Variants in SETBP1 observed in about 807,000 individuals in gnomAD.
SETBP1 encodes SET-binding protein.
SETBP1 carries 9 observed loss-of-function variants against 101.0 expected under a neutral mutation model. The ratio of observed to expected loss-of-function variants is 0.09; its 90% CI spans 0.05 to 0.16. The LOEUF (loss-of-function observed/expected upper bound fraction) is 0.16, where lower values mean the gene tolerates loss of function less well. SETBP1 is among the 10% of genes least tolerant of loss of function. SETBP1 has a pLI of 1.00. For missense variants in SETBP1, 1,858 were observed against 2,033.8 expected (o/e 0.91, Z 1.66); for synonymous variants, 818 against 788.5 (o/e 1.04, Z -0.63).
chr18:44,900,295 A>G (rs950765134), intron 3 of SETBP1, among the ~76,000 whole-genome samples: 7 of 152,200 alleles, frequency 4.6e-5, no homozygotes, highest in Admixed American at 3.3e-4. Flanking sequence ...ATTCTGATGC[A>G]TGGCCCAAGT....
chr18:45,024,649 G>T (rs2073130337), intron 4 of SETBP1, among the ~76,000 whole-genome samples: 1 of 152,124 alleles, frequency 6.6e-6, no homozygotes, highest in Non-Finnish European at 1.5e-5. Flanking sequence ...CAATGTAATG[G>T]CAGGCTGTCC....
At chr18:44,945,521 A>G (rs1453853259) in intron 3 of SETBP1, among the ~76,000 whole-genome samples, 1 of 151,966 alleles carries the variant, frequency 6.6e-6, no homozygotes, top group Admixed American at 6.6e-5. Context: ...AGTGAGCCAC[A>G]CCTTTTAAAC....
At chr18:44,768,921 C>T (rs946003823) in intron 2 of SETBP1, among the ~76,000 whole-genome samples, 2 of 152,196 alleles carry the variant, frequency 1.3e-5, no homozygotes, top group Admixed American at 6.5e-5. Context: ...ACTCTTTTGT[C>T]TCTGCAACAG....
chr18:44,973,204 G>C (rs1000921713), intron 4 of SETBP1, among the ~76,000 whole-genome samples: 4 of 152,188 alleles, frequency 2.6e-5, no homozygotes, highest in African/African-American at 4.8e-5. Context: ...TGTTGAACCA[G>C]CCTTGCATCC....
intron 3 of SETBP1, among the ~76,000 whole-genome samples, chr18:44,938,918 A>G (rs2071022172): frequency 2.0e-5 from 3 of 151,586 alleles, no homozygotes; most frequent in African/African-American, 7.3e-5. Context: ...CTGGAAAGAA[A>G]AGGCCCCTGC....
intron 3 of SETBP1, among the ~76,000 whole-genome samples, chr18:44,899,815 A>C (rs997618986): frequency 3.9e-5 from 6 of 152,222 alleles, no homozygotes; most frequent in Non-Finnish European, 8.8e-5. Context: ...CAAAATACAA[A>C]AATATATATT....
chr18:44,797,383 A>G (rs1218102205), intron 2 of SETBP1, among the ~76,000 whole-genome samples: 9 of 152,214 alleles, frequency 5.9e-5, no homozygotes, highest in Admixed American at 5.9e-4. Context: ...CTCTGTCATT[A>G]CATGTTTTAA....
intron 2 of SETBP1, among the ~76,000 whole-genome samples, chr18:44,829,324 T>G (rs367732389): frequency 1.3e-5 from 2 of 152,204 alleles, no homozygotes; most frequent in Non-Finnish European, 2.9e-5. Context: ...TTGACGCCTG[T>G]GAATAATTTT....
intron 4 of SETBP1, among the ~76,000 whole-genome samples, chr18:44,978,781 C>T (rs986530173): frequency 2.0e-5 from 3 of 152,066 alleles, no homozygotes; most frequent in Admixed American, 6.5e-5. Flanking sequence ...GGTGGCTGCC[C>T]ATGATGGCCT....
At chr18:45,003,876 C>T (rs1163002341) in intron 4 of SETBP1, among the ~76,000 whole-genome samples, 2 of 152,076 alleles carry the variant, frequency 1.3e-5, no homozygotes, top group Non-Finnish European at 2.9e-5. Context: ...GTGGGTAGTC[C>T]TTTCGTAAGA....
chr18:44,965,580 A>G (rs1324565994), intron 4 of SETBP1, among the ~76,000 whole-genome samples: 2 of 152,176 alleles, frequency 1.3e-5, no homozygotes, highest in Admixed American at 6.5e-5. Flanking sequence ...GTCCACATCT[A>G]TATATCCTCC....
rs529179939 is a variant in SETBP1 at position 45,066,617 on chromosome 18, A to G, written c.*2919A>G. The G allele has an allele frequency of 6.6e-6, 1 of 150,930 alleles. No individual in the cohort carries two copies. Among genetic ancestry groups the G allele is most frequent in the South Asian group, 2.1e-4 (1 of 4,748 alleles). The allele number at this position is 150,930 out of a possible 1,614,324, so 9.3% of individuals were successfully genotyped here. On this transcript the variant is annotated 3_prime_UTR_variant, in exon 6 of 6. Transcript: ENST00000649279. ...GCTAGGAAGAAAACCCAGCTCTCCC[A>G]ACCCTGATCGTGGAGGTCTCTGGCC... is the stretch of plus-strand genomic sequence containing the variant.
At chr18:44,943,860 A>G (rs2071142333) in intron 3 of SETBP1, among the ~76,000 whole-genome samples, 1 of 147,230 alleles carries the variant, frequency 6.8e-6, no homozygotes. Context: ...TTTGAGACAG[A>G]GTCTCTCTCT....
At chr18:44,685,535 A>G (rs79885796) in intron 1 of SETBP1, among the ~76,000 whole-genome samples, 2,161 of 152,188 alleles carry the variant, frequency 0.014, 64 homozygotes, top group African/African-American at 0.049. Flanking sequence ...TCCTCTTTGG[A>G]TCGTGTCCCT....
chr18:44,926,264 T>C (rs2070702794), intron 3 of SETBP1, among the ~76,000 whole-genome samples: 2 of 152,180 alleles, frequency 1.3e-5, no homozygotes, highest in South Asian at 2.1e-4. Context: ...GTGGTTTCTG[T>C]TGACCTGCAG....
intron 4 of SETBP1, among the ~76,000 whole-genome samples, chr18:45,036,638 T>G (rs2073404258): frequency 6.6e-6 from 1 of 152,152 alleles, no homozygotes; most frequent in Non-Finnish European, 1.5e-5. Context: ...AAATATAAAC[T>G]CCAAGAAAAG....
At chr18:45,062,712 A>G (rs1176075174) in intron 5 of SETBP1, among the ~76,000 whole-genome samples, 1 of 152,166 alleles carries the variant, frequency 6.6e-6, no homozygotes, top group Non-Finnish European at 1.5e-5. Context: ...ATAATAAGAG[A>G]AATAATGGGA....
chr18:45,016,302 G>C (rs879099551), intron 4 of SETBP1, among the ~76,000 whole-genome samples: 4 of 152,122 alleles, frequency 2.6e-5, no homozygotes, highest in African/African-American at 9.7e-5. Context: ...ACAGCAGGGC[G>C]GGCTAAGCCA....
At chr18:45,039,183 G>A (rs745529554) in intron 5 of SETBP1, among the ~76,000 whole-genome samples, 4 of 152,028 alleles carry the variant, frequency 2.6e-5, no homozygotes, top group Non-Finnish European at 2.9e-5. Flanking sequence ...TTGATGCATC[G>A]GTACCTTCTA....
Sources: allele counts gnomAD v4.1 joint callset (sites outside exome capture counted in the v4.1 genomes callset), GRCh38; gene constraint gnomAD v4.1.1; transcripts MANE v1.5; gene names NCBI Gene and HGNC (gene_info 2026-07-23, HGNC 2026-07-21).